Variants in PER3 observed in about 807,000 individuals in gnomAD.
PER3 encodes the protein period circadian regulator 3.
Under a neutral mutation model 127.2 loss-of-function variants are expected in PER3, and 107 were observed. That is an observed-to-expected ratio of 0.84 (90% CI 0.72 to 0.99). The LOEUF (loss-of-function observed/expected upper bound fraction) is 0.99. Among genes scored for constraint, PER3 ranks in the 50% least tolerant of loss-of-function variants. The probability of loss-of-function intolerance (pLI) is 0.00; values close to 1 mark genes in which losing one functional copy is unlikely to be tolerated. For missense variants in PER3, 1,560 were observed against 1,525.8 expected (o/e 1.02, Z -0.37); for synonymous variants, 618 against 585.8 (o/e 1.05, Z -0.79).
intron 3 of PER3, among the ~76,000 whole-genome samples, chr1:7,786,169 G>T (rs755447702): frequency 6.6e-6 from 1 of 152,204 alleles, no homozygotes; most frequent in Non-Finnish European, 1.5e-5. Context: ...ACAGGAGAAC[G>T]GCGTGAACCC....
At position 7,798,739 on chromosome 1, in the gene PER3, G is replaced by T. The variant is rs369533576; in HGVS notation, c.793+66G>T. On this transcript the variant is annotated intron_variant, in intron 7 of 21. Coordinates refer to ENST00000377532, the MANE Select transcript of PER3 (RefSeq NM_001377275.1). ...TAGGAACATGGGAAAGTCTGTTTAC[G>T]TCAGTCATAGAACAACAAAAAGAGC... is the stretch of plus-strand genomic sequence containing the variant. The T allele has an allele frequency of 2.4e-5, 32 of 1,348,584 alleles. No individual in the cohort carries two copies. In the African/African-American group the frequency reaches 3.3e-4, roughly 14 times the overall value. 83.5% of individuals were successfully genotyped at this position (1,348,584 alleles called of 1,614,324 possible). A position where few individuals can be genotyped will look rare whatever the true frequency, so the allele number is the denominator to read the frequency against.
rs1357283740 is a variant in PER3, at chr1:7,826,219, GAA to G, written c.1958-257_1958-256del. On this transcript the variant is annotated intron_variant, in intron 16 of 21. Coordinates refer to ENST00000377532, the MANE Select transcript of PER3 (RefSeq NM_001377275.1). This position sits in a 1 kb window ranked among gnomAD's most constrained non-coding sequence, Gnocchi z 4.2. ...AAATTTTGAAGAATTCAGGGAGAGA[GAA>G]AAATGTTTACAATAAAAGCAAGATT... 8.5e-5 allele frequency among the ~76,000 whole-genome samples: 13 copies of G among 152,272 alleles called. No individual in the cohort carries two copies. In the East Asian group the frequency reaches 2.5e-3, roughly 29 times the overall value.
At chr1:7,835,469 TGA>T (rs2097353531) in intron 19 of PER3, among the ~76,000 whole-genome samples, 1 of 152,146 alleles carries the variant, frequency 6.6e-6, no homozygotes, top group African/African-American at 2.4e-5. Flanking sequence ...AACAAGCCCA[TGA>T]GAGAGTGAAG....
At chr1:7,816,602 A>C (rs980513721) in intron 13 of PER3, among the ~76,000 whole-genome samples, 1 of 152,046 alleles carries the variant, frequency 6.6e-6, no homozygotes, top group South Asian at 2.1e-4. Flanking sequence ...GTCATTAGAC[A>C]AAAAAAATGT....
rs539754548 is a variant in PER3, at chr1:7,843,361, C to T, written c.*606C>T. 6.5e-6 allele frequency: 1 copy of T among 152,682 alleles called. No homozygotes were observed. The highest frequency in any genetic ancestry group is 6.5e-5 in the Admixed American group (1 of 15,298). The allele number at this position is 152,682 out of a possible 1,614,324, so 9.5% of individuals were successfully genotyped here. On this transcript the variant is annotated 3_prime_UTR_variant, in exon 22 of 22. Transcript: ENST00000377532. ...GTTTTGGCCTTCATCCTTGTAGATC[C>T]CTTTCCTATTGATTTCCCACCTTCC... is the stretch of plus-strand genomic sequence containing the variant.
Position 7,827,767 on chromosome 1 carries a change from T to C in PER3, c.2838T>C (p.Ser946=). Residue 946 remains serine, a synonymous_variant, in exon 18 of 22, where the codon TCT becomes TCC. Coordinates refer to ENST00000377532, the MANE Select transcript of PER3 (RefSeq NM_001377275.1). Reference sequence around the variant, plus strand: ...TTCAGGAAGAGATGCCCAGACCCTCTGAATCTCCAGATCAGATGAGAAGGA... The same window carrying C: ...TTCAGGAAGAGATGCCCAGACCCTCCGAATCTCCAGATCAGATGAGAAGGA... ...NLLQEEMPRP[S]ESPDQMRRNT... is the part of the protein sequence containing the mutation. The C allele has an allele frequency of 1.2e-6, 2 of 1,614,046 alleles. No individual in the cohort carries two copies. The highest frequency in any genetic ancestry group is 1.7e-6 in the Non-Finnish European group (2 of 1,180,036).
At chr1:7,805,824 C>T (rs1451975688) in intron 10 of PER3, among the ~76,000 whole-genome samples, 2 of 152,064 alleles carry the variant, frequency 1.3e-5, no homozygotes, top group Non-Finnish European at 2.9e-5. Flanking sequence ...GCTCTCTTTT[C>T]AGTTCTTTGA....
At chr1:7,796,529 G>A (rs1158975343) in intron 6 of PER3, among the ~76,000 whole-genome samples, 1 of 151,988 alleles carries the variant, frequency 6.6e-6, no homozygotes, top group Non-Finnish European at 1.5e-5. Flanking sequence ...TGGCCAGGCT[G>A]GTCTCGAACT....
At chr1:7,806,812 A>AAAAAAT (rs61141023) in intron 10 of PER3, among the ~76,000 whole-genome samples, 9 of 60,632 alleles carry the variant, frequency 1.5e-4, no homozygotes, top group African/African-American at 6.1e-4. Context: ...AAAAAAAAAA[A>AAAAAAT]ATATATATAT....
At position 7,784,828 on chromosome 1, in the gene PER3, C is replaced by T. The variant is rs2097077459; in HGVS notation, c.-50C>T. 1.4e-6 allele frequency: 2 copies of T among 1,401,464 alleles called. No homozygotes were observed. Among genetic ancestry groups the T allele is most frequent in the East Asian group, 2.9e-5 (1 of 34,038 alleles). The allele number at this position is 1,401,464 out of a possible 1,614,324, so 86.8% of individuals were successfully genotyped here. A position where few individuals can be genotyped will look rare whatever the true frequency, so the allele number is the denominator to read the frequency against. Reference sequence around the variant, plus strand: ...CACTGACTGCAAAGTGAGCGAGAAGCAGGCTGCGGGCCGTCCCAGCACGAC... The same window carrying T: ...CACTGACTGCAAAGTGAGCGAGAAGTAGGCTGCGGGCCGTCCCAGCACGAC... On this transcript the variant is annotated 5_prime_UTR_variant, in exon 2 of 22. Coordinates refer to ENST00000377532, the MANE Select transcript of PER3 (RefSeq NM_001377275.1).
chr1:7,829,439 T>C (rs2097318562), intron 18 of PER3, among the ~76,000 whole-genome samples: 1 of 152,216 alleles, frequency 6.6e-6, no homozygotes, highest in Non-Finnish European at 1.5e-5. Context: ...ACTTTATGAC[T>C]TCTCTTTGGC....
chr1:7,842,781 C>A lies in PER3; in HGVS notation c.*26C>A. 1 of 1,603,686 alleles carries A rather than the reference C, an allele frequency of 6.2e-7. No homozygotes were observed. Reference sequence around the variant, plus strand: ...GTGACTGTGAGGATGAACCTTCATACCCTTTCCAAGACGTGTTACACAGAC... The same window carrying A: ...GTGACTGTGAGGATGAACCTTCATAACCTTTCCAAGACGTGTTACACAGAC... On this transcript the variant is annotated 3_prime_UTR_variant, in exon 22 of 22. Coordinates refer to ENST00000377532, the MANE Select transcript of PER3 (RefSeq NM_001377275.1).
chr1:7,787,800 A>G (rs1266073635), intron 4 of PER3: 2 of 522,830 alleles, frequency 3.8e-6, no homozygotes, highest in Non-Finnish European at 6.9e-6. Flanking sequence ...TTTAGTCTGC[A>G]TAGAATAAGC....
intron 13 of PER3, 35 bp from the exon 14 acceptor site, chr1:7,819,250 T>C (rs771047418): frequency 1.3e-6 from 2 of 1,587,856 alleles, no homozygotes; most frequent in Non-Finnish European, 1.7e-6. Flanking sequence ...ACATGCTGGG[T>C]ACTTTTAATT....
chr1:7,842,889 C>A lies in PER3; in HGVS notation c.*134C>A. On this transcript the variant is annotated 3_prime_UTR_variant, in exon 22 of 22. Coordinates refer to ENST00000377532, the MANE Select transcript of PER3 (RefSeq NM_001377275.1). Reference sequence around the variant, plus strand: ...ATTTTTTCTTCTTGATTTTTTAATACACGTAATCTTTTTGAAGCAGACATT... The same window carrying A: ...ATTTTTTCTTCTTGATTTTTTAATAAACGTAATCTTTTTGAAGCAGACATT... 1 of 608,998 alleles carries A rather than the reference C, an allele frequency of 1.6e-6. No individual in the cohort carries two copies. The highest frequency in any genetic ancestry group is 2.7e-6 in the Non-Finnish European group (1 of 372,118). The allele number at this position is 608,998 out of a possible 1,614,324, so 37.7% of individuals were successfully genotyped here.
chr1:7,807,362 G>C (rs1445073038), intron 10 of PER3, among the ~76,000 whole-genome samples: 1 of 152,204 alleles, frequency 6.6e-6, no homozygotes, highest in African/African-American at 2.4e-5. Flanking sequence ...GAAATGTGCA[G>C]GGTGAGTGAA....
intron 16 of PER3, among the ~76,000 whole-genome samples, chr1:7,825,620 G>A (rs1464243039): frequency 1.3e-5 from 2 of 152,154 alleles, no homozygotes; most frequent in African/African-American, 2.4e-5. Flanking sequence ...GGCCAGGTAC[G>A]GTGGCTCATG....
At chr1:7,803,344 T>C (rs1320178750) in intron 9 of PER3, among the ~76,000 whole-genome samples, 191 bp downstream of exon 9, 1 of 150,966 alleles carries the variant, frequency 6.6e-6, no homozygotes, top group African/African-American at 2.4e-5. Flanking sequence ...ATCCCAGCAC[T>C]TTGGGAGGCC....
At chr1:7,787,802 A>G in intron 4 of PER3, 1 of 526,248 alleles carries the variant, frequency 1.9e-6, no homozygotes, top group East Asian at 3.4e-5. Context: ...TAGTCTGCAT[A>G]GAATAAGCTA....
Sources: allele counts gnomAD v4.1 joint callset (sites outside exome capture counted in the v4.1 genomes callset), GRCh38; gene constraint gnomAD v4.1.1; non-coding constraint Gnocchi (gnomAD v3.1); transcripts MANE v1.5; gene names NCBI Gene and HGNC (gene_info 2026-07-23, HGNC 2026-07-21).